The following NPAS3 variants were observed in gnomAD, a reference collection of about 807,000 sequenced individuals.
The protein encoded by NPAS3 is neuronal PAS domain-containing protein 3.
Under a neutral mutation model 73.1 loss-of-function variants are expected in NPAS3, and 14 were observed. The observed-to-expected ratio is 0.19, with a 90% CI of 0.13 to 0.30. The LOEUF (loss-of-function observed/expected upper bound fraction) is 0.30, where lower values mean the gene tolerates loss of function less well. Among genes scored for constraint, NPAS3 ranks in the 10% least tolerant of loss-of-function variants. The pLI is 1.00. For synonymous variants in NPAS3, 620 were observed against 541.5 expected (o/e 1.14, Z -2.01); for missense variants, 1,096 against 1,250.0 (o/e 0.88, Z 1.86).
intron 2 of NPAS3, among the ~76,000 whole-genome samples, chr14:33,078,808 C>T (rs2041762817): frequency 6.6e-6 from 1 of 152,168 alleles, no homozygotes; most frequent in South Asian, 2.1e-4. Flanking sequence ...TAGAGAGTTT[C>T]TTGCTGACAC....
chr14:33,291,267 G>A (rs1229704531), intron 3 of NPAS3, among the ~76,000 whole-genome samples: 1 of 152,024 alleles, frequency 6.6e-6, no homozygotes, highest in African/African-American at 2.4e-5. Flanking sequence ...GCATTATTGA[G>A]GTGTGGTGAT....
At chr14:33,178,982 A>C (rs1419081201) in intron 2 of NPAS3, among the ~76,000 whole-genome samples, 1 of 152,066 alleles carries the variant, frequency 6.6e-6, no homozygotes, top group East Asian at 1.9e-4. Context: ...GTTGTAGAAA[A>C]TCCTTTTTTA....
intron 5 of NPAS3, among the ~76,000 whole-genome samples, chr14:33,566,617 T>C (rs1360881545): frequency 6.6e-6 from 1 of 152,194 alleles, no homozygotes; most frequent in African/African-American, 2.4e-5. Context: ...GCAGGGATCT[T>C]TTCATCAGAA....
At chr14:32,938,750 G>A (rs1335347206), upstream of NPAS3, among the ~76,000 whole-genome samples, 3 of 149,984 alleles carry the variant, frequency 2.0e-5, no homozygotes, top group African/African-American at 7.3e-5. Flanking sequence ...ACGGGGGCGG[G>A]GGCGGGTGGC....
chr14:33,192,022 A>G lies in NPAS3; in HGVS notation c.141-23160A>G, dbSNP rs184884304. On this transcript the variant is annotated intron_variant, in intron 2 of 11. Coordinates refer to ENST00000356141, the Ensembl canonical transcript of NPAS3. The stretch of plus-strand genomic sequence containing the variant: ...TAACTTTCCTGTGCCCACAATGGTT[A>G]GAACTTCCACATCCTTTCTTCCCAG... Among the ~76,000 whole-genome samples the G allele has an allele frequency of 2.5e-3, 385 of 152,302 alleles. 1 individual carries two copies. Among genetic ancestry groups the G allele is most frequent in the African/African-American group, 8.9e-3 (368 of 41,548 alleles).
At chr14:33,000,554 T>G (rs1008178592) in intron 1 of NPAS3, among the ~76,000 whole-genome samples, 2 of 152,210 alleles carry the variant, frequency 1.3e-5, no homozygotes, top group South Asian at 4.1e-4. Context: ...TAGTTGGGTT[T>G]ATGAAGCACT....
chr14:33,447,615 G>T (rs570881198), intron 4 of NPAS3, among the ~76,000 whole-genome samples: 16 of 152,260 alleles, frequency 1.1e-4, no homozygotes, highest in Admixed American at 9.2e-4. Flanking sequence ...GGTAGCAGCA[G>T]GGGTGAGAAC....
chr14:33,703,856 C>T (rs76248748), intron 6 of NPAS3, among the ~76,000 whole-genome samples: 2,476 of 152,178 alleles, frequency 0.016, 50 homozygotes, highest in African/African-American at 0.057. Context: ...GATCACACAC[C>T]AGTAAGCAAG....
chr14:33,485,608 C>T (rs920350075), intron 4 of NPAS3, among the ~76,000 whole-genome samples: 8 of 152,124 alleles, frequency 5.3e-5, no homozygotes, highest in Admixed American at 6.5e-5. Flanking sequence ...GGAAGTGAAG[C>T]GTGTCCTCTT....
At position 33,419,396 on chromosome 14, in the gene NPAS3, C is replaced by T. The variant is rs191758993; in HGVS notation, c.468+52128C>T. Reference sequence around the variant, plus strand: ...TATTTTATATAGAGGCATGCTTTGACATTGTAAAACCATAAAAACTGTGAT... The same window carrying T: ...TATTTTATATAGAGGCATGCTTTGATATTGTAAAACCATAAAAACTGTGAT... On this transcript the variant is annotated intron_variant, in intron 4 of 11. Transcript: ENST00000356141. Among the ~76,000 whole-genome samples, 430 of 151,854 alleles carry T rather than the reference C, an allele frequency of 2.8e-3. 5 individuals are homozygous for T. The highest frequency in any genetic ancestry group is 1.3e-3 in the Non-Finnish European group (86 of 67,878).
intron 7 of NPAS3, among the ~76,000 whole-genome samples, chr14:33,740,524 TACC>T (rs952512530): frequency 1.4e-4 from 21 of 152,370 alleles, no homozygotes; most frequent in African/African-American, 5.0e-4. Context: ...CCCTATGGCA[TACC>T]ACTAGAGATC....
At chr14:33,721,895 A>G (rs563233373) in intron 6 of NPAS3, among the ~76,000 whole-genome samples, 5 of 152,280 alleles carry the variant, frequency 3.3e-5, no homozygotes, top group African/African-American at 1.2e-4. Flanking sequence ...TGCAATAATA[A>G]AATGGAGAAA....
chr14:33,643,802 G>C (rs1262369416), intron 5 of NPAS3, among the ~76,000 whole-genome samples: 1 of 152,144 alleles, frequency 6.6e-6, no homozygotes, highest in Admixed American at 6.5e-5. Flanking sequence ...TTTTCTCTCT[G>C]CTGTCTGTAG....
rs145263273 is a variant in NPAS3 at position 33,416,874 on chromosome 14, A to G, written c.468+49606A>G. ...CATTAATTTTTTTCCCTTCTACTTC[A>G]TTTATTTTTGGTTGTTTTAATACAG... On this transcript the variant is annotated intron_variant, in intron 4 of 11. Coordinates refer to ENST00000356141, the Ensembl canonical transcript of NPAS3. Among the ~76,000 whole-genome samples, 185 of 151,676 alleles carry G rather than the reference A, an allele frequency of 1.2e-3. 5 individuals carry two copies. The East Asian group carries it at 0.032, about 27-fold the overall frequency.
chr14:33,382,668 ATGT>A (rs543069849), intron 4 of NPAS3, among the ~76,000 whole-genome samples: 3 of 152,202 alleles, frequency 2.0e-5, no homozygotes, highest in South Asian at 2.1e-4. Context: ...TATTAATGAA[ATGT>A]TGTATCCTTA....
chr14:33,682,288 G>T (rs988797375), intron 6 of NPAS3, among the ~76,000 whole-genome samples: 13 of 152,136 alleles, frequency 8.5e-5, no homozygotes, highest in African/African-American at 1.4e-4. Flanking sequence ...CCCCAAATCG[G>T]TCTGACTTCT....
chr14:33,108,286 C>T (rs1016422157), intron 2 of NPAS3, among the ~76,000 whole-genome samples: 5 of 151,540 alleles, frequency 3.3e-5, no homozygotes, highest in Admixed American at 6.6e-5. Flanking sequence ...CTCCACCTCC[C>T]GAGTTCAAGT....
chr14:33,618,944 G>A (rs2058002286), intron 5 of NPAS3, among the ~76,000 whole-genome samples: 1 of 152,242 alleles, frequency 6.6e-6, no homozygotes, highest in Non-Finnish European at 1.5e-5. Context: ...GGTGCTGTCA[G>A]TTGTGGGAGT....
intron 2 of NPAS3, among the ~76,000 whole-genome samples, chr14:33,122,413 G>A (rs1336888047): frequency 6.6e-6 from 1 of 152,060 alleles, no homozygotes; most frequent in East Asian, 1.9e-4. Flanking sequence ...AATAAGGCTG[G>A]CAATGTCAGG....
Sources: allele counts gnomAD v4.1 joint callset (sites outside exome capture counted in the v4.1 genomes callset), GRCh38; gene constraint gnomAD v4.1.1; transcripts MANE v1.5; gene names NCBI Gene and HGNC (gene_info 2026-07-23, HGNC 2026-07-21).